The following BEND6 variants were observed in gnomAD, a reference collection of about 807,000 sequenced individuals.
The protein encoded by BEND6 is BEN domain-containing protein 6.
BEND6 carries 24 observed loss-of-function variants against 31.8 expected under a neutral mutation model. The ratio of observed to expected loss-of-function variants is 0.75; its 90% CI spans 0.55 to 1.06. The LOEUF is 1.06. Ranked by LOEUF, BEND6 falls within the 50% of genes least tolerant of loss-of-function variation. BEND6 has a pLI of 0.00. For synonymous variants in BEND6, 109 were observed against 114.6 expected, an observed-to-expected ratio of 0.95 and a Z score of 0.31; for missense variants, 294 against 327.4, an observed-to-expected ratio of 0.90 and a Z score of 0.79.
At chr6:57,021,143 G>C (rs1312556708) in intron 6 of BEND6, among the ~76,000 whole-genome samples, 3 of 152,108 alleles carry the variant, frequency 2.0e-5, no homozygotes, top group Non-Finnish European at 4.4e-5. Context: ...AGCTAGAATG[G>C]AATTTTTTAA....
At chr6:57,007,055 C>T (rs1827184061) in intron 3 of BEND6, among the ~76,000 whole-genome samples, 2 of 152,116 alleles carry the variant, frequency 1.3e-5, no homozygotes, top group South Asian at 2.1e-4. Flanking sequence ...TTTGGGGGGC[C>T]GAGGTGGGAA....
At chr6:56,980,669 AAATATTATTTT>A (rs1382705137) in intron 1 of BEND6, among the ~76,000 whole-genome samples, 17 of 152,298 alleles carry the variant, frequency 1.1e-4, no homozygotes, top group Middle Eastern at 3.4e-3. Flanking sequence ...AGGACCATCC[AAATATTATTTT>A]ATGCTTAGAG....
intron 1 of BEND6, among the ~76,000 whole-genome samples, chr6:56,968,836 G>A (rs1478119602): frequency 6.6e-6 from 1 of 152,036 alleles, no homozygotes; most frequent in Non-Finnish European, 1.5e-5. Context: ...AGCACTTTAG[G>A]AGGCTGAAGT....
chr6:56,982,006 T>A, intron 2 of BEND6, 76 bp downstream of exon 2: 1 of 1,407,852 alleles, frequency 7.1e-7, no homozygotes, highest in South Asian at 1.4e-5. Flanking sequence ...CATAATTTAT[T>A]AGTGCTTCTC....
chr6:57,006,463 C>A (rs891614170), intron 3 of BEND6, among the ~76,000 whole-genome samples: 1 of 152,172 alleles, frequency 6.6e-6, no homozygotes, highest in African/African-American at 2.4e-5. Context: ...GTGAGTCCTG[C>A]AAGTCAATCA....
At chr6:56,986,977 T>C (rs1010267156) in intron 2 of BEND6, among the ~76,000 whole-genome samples, 7 of 126,890 alleles carry the variant, frequency 5.5e-5, no homozygotes, top group South Asian at 2.5e-4. Context: ...TCTTTTCTTT[T>C]TTTTTTTTTT....
chr6:56,960,554 T>C (rs1001482529), intron 1 of BEND6, among the ~76,000 whole-genome samples: 1 of 152,220 alleles, frequency 6.6e-6, no homozygotes, highest in African/African-American at 2.4e-5. Flanking sequence ...TACAGCAACA[T>C]TGAATAGCTA....
chr6:56,999,001 C>T (rs905895817), intron 3 of BEND6, among the ~76,000 whole-genome samples: 3 of 152,200 alleles, frequency 2.0e-5, no homozygotes, highest in Admixed American at 6.5e-5. Flanking sequence ...TTCATCAGCC[C>T]ACTCTGCTGA....
chr6:56,968,673 C>T (rs189542158), intron 1 of BEND6, among the ~76,000 whole-genome samples: 28 of 151,976 alleles, frequency 1.8e-4, no homozygotes, highest in Non-Finnish European at 3.8e-4. Flanking sequence ...CAAGTTATGC[C>T]ATAACAGTTT....
In BEND6 at chr6:57,005,651, C is replaced by T. The variant is rs61383163; in HGVS notation, c.299-9482C>T. 9.8e-3 allele frequency among the ~76,000 whole-genome samples: 1,477 copies of T among 150,988 alleles called. 26 individuals carry two copies. Among genetic ancestry groups the T allele is most frequent in the African/African-American group, 0.034 (1,390 of 41,076 alleles). On this transcript the variant is annotated intron_variant, in intron 3 of 6. Coordinates refer to ENST00000370746, the MANE Select transcript of BEND6 (RefSeq NM_152731.3). ...GCCGAGATCGCCCCACTGCACTCCA[C>T]CCTGGGCGACAGAGCGAGACTCCAT... is the stretch of plus-strand genomic sequence containing the variant.
chr6:56,992,394 G>A lies in BEND6; in HGVS notation c.137G>A (p.Gly46Glu), dbSNP rs866873835. The change falls in exon 3 of 7, where the codon GGA (glycine) becomes GAA (glutamate). Residue 46 changes from glycine to glutamate, a missense_variant. Transcript: ENST00000370746. The part of the protein sequence containing the change: ...MDKGQRDPYS[G>E]NAFLPGESSS... ...CTATTTTAGAGAGACCCATATTCGG[G>A]AAATGCCTTTCTGCCTGGTGAAAGC... 2 of 1,609,108 alleles carry A rather than the reference G, an allele frequency of 1.2e-6. No individual in the cohort carries two copies. Among genetic ancestry groups the A allele is most frequent in the South Asian group, 1.1e-5 (1 of 89,752 alleles).
At chr6:57,013,364 C>T (rs559388221) in intron 3 of BEND6, among the ~76,000 whole-genome samples, 1 of 152,302 alleles carries the variant, frequency 6.6e-6, no homozygotes, top group Admixed American at 6.5e-5. Context: ...CTCAGGATGC[C>T]TTATGCCCAT....
chr6:56,986,267 G>A (rs1174312904), intron 2 of BEND6, among the ~76,000 whole-genome samples: 2 of 151,788 alleles, frequency 1.3e-5, no homozygotes, highest in African/African-American at 4.8e-5. Context: ...ACATATATCT[G>A]TACATTTATA....
At chr6:56,955,652 C>T (rs904445105) in intron 1 of BEND6, among the ~76,000 whole-genome samples, 192 bp downstream of exon 1, 1 of 152,220 alleles carries the variant, frequency 6.6e-6, no homozygotes, top group Non-Finnish European at 1.5e-5. Context: ...TGGTGCTTAT[C>T]TCGCAGCTAA....
At chr6:56,961,358 A>G (rs981463863) in intron 1 of BEND6, among the ~76,000 whole-genome samples, 1 of 152,210 alleles carries the variant, frequency 6.6e-6, no homozygotes, top group Non-Finnish European at 1.5e-5. Flanking sequence ...CTAAATGGAG[A>G]TGATGTGCTG....
rs118110934 is a variant in BEND6, at chr6:56,981,417, G to A, written c.-100-294G>A. On this transcript the variant is annotated intron_variant, in intron 1 of 6. Coordinates refer to ENST00000370746, the MANE Select transcript of BEND6 (RefSeq NM_152731.3). The stretch of plus-strand genomic sequence containing the variant: ...ATAAATTTGTAATGTTTCTAGTTTC[G>A]TAGACTCCTCATAATATAACTGTTT... Among the ~76,000 whole-genome samples the A allele has an allele frequency of 2.0e-3, 310 of 151,952 alleles. 2 individuals are homozygous for A. Among genetic ancestry groups the A allele is most frequent in the Admixed American group, 0.016 (248 of 15,254 alleles).
At position 57,026,990 on chromosome 6, in the gene BEND6, G is replaced by T. The variant is rs146377784; in HGVS notation, c.*918G>T. ...TAACTGGTTTATTTTTATTGTAGCA[G>T]AAATGAACTGAAAAAAAATATGGGT... is the stretch of plus-strand genomic sequence containing the variant. On this transcript the variant is annotated 3_prime_UTR_variant, in exon 7 of 7. Transcript: ENST00000370746. 3.3e-5 allele frequency: 5 copies of T among 152,178 alleles called. No homozygotes were observed. The highest frequency in any genetic ancestry group is 1.2e-4 in the African/African-American group (5 of 41,536). The allele number at this position is 152,178 out of a possible 1,614,324, so 9.4% of individuals were successfully genotyped here.
intron 2 of BEND6, among the ~76,000 whole-genome samples, chr6:56,985,735 A>G (rs1826244358): frequency 6.6e-6 from 1 of 152,210 alleles, no homozygotes; most frequent in Admixed American, 6.5e-5. Context: ...GGAGATAGCT[A>G]GCAGTCTCTG....
chr6:56,987,463 C>T (rs1826324566), intron 2 of BEND6, among the ~76,000 whole-genome samples: 1 of 152,188 alleles, frequency 6.6e-6, no homozygotes, highest in Non-Finnish European at 1.5e-5. Flanking sequence ...CCATGTTGCC[C>T]TGATGCTGAA....
Sources: gnomAD v4.1 joint callset for allele counts (sites outside exome capture counted in the v4.1 genomes callset) on GRCh38, gnomAD v4.1.1 for gene constraint, MANE v1.5 for transcripts, NCBI Gene and HGNC (gene_info 2026-07-23, HGNC 2026-07-21) for gene names.